The following ADARB1 variants were observed in gnomAD, a reference collection of about 807,000 sequenced individuals.
ADARB1 encodes the protein adenosine deaminase RNA specific B1, also known as double-stranded RNA-specific editase 1.
ADARB1 carries 10 observed loss-of-function variants against 52.4 expected under a neutral mutation model. The observed-to-expected ratio is 0.19, with a 90% CI of 0.12 to 0.32. ADARB1 has a LOEUF of 0.32. ADARB1 is among the 10% of genes least tolerant of loss of function. ADARB1 has a pLI of 1.00. For missense variants in ADARB1, 643 were observed against 922.3 expected (o/e 0.70, Z 3.92); for synonymous variants, 349 against 371.1 (o/e 0.94, Z 0.68).
At chr21:45,215,774 G>A (rs565292723) in intron 9 of ADARB1, among the ~76,000 whole-genome samples, 2 of 152,196 alleles carry the variant, frequency 1.3e-5, no homozygotes, top group East Asian at 1.9e-4. Flanking sequence ...TAGAATTTTT[G>A]TATTTATATT....
chr21:45,124,785 GTA>G (rs767865699), intron 1 of ADARB1, among the ~76,000 whole-genome samples: 19,604 of 103,154 alleles, frequency 0.19, 1,523 homozygotes, highest in Non-Finnish European at 0.26. Flanking sequence ...GTGTGTGTGT[GTA>G]TGTGTGTGTG....
intron 1 of ADARB1, among the ~76,000 whole-genome samples, chr21:45,115,123 C>G (rs1032567383): frequency 6.6e-6 from 1 of 152,234 alleles, no homozygotes. Flanking sequence ...GACCAAACTT[C>G]CAGTGACAAA....
In ADARB1 at chr21:45,175,774, G is replaced by A. The variant is rs763812559; in HGVS notation, c.73G>A (p.Val25Met). 5.0e-6 allele frequency: 8 copies of A among 1,614,034 alleles called. No individual in the cohort carries two copies. The highest frequency in any genetic ancestry group is 4.5e-5 in the East Asian group (2 of 44,900). The change falls in exon 4 of 11, where the codon GTG becomes ATG. Residue 25 changes from valine to methionine, a missense_variant. Physicochemically the swap from Val to Met is conservative, Grantham distance 21. Coordinates refer to ENST00000348831, the MANE Select transcript of ADARB1 (RefSeq NM_001112.4). The stretch of plus-strand genomic sequence containing the variant: ...GAAGGAAAACCGCAATCTGGACAAC[G>A]TGTCCCCCAAGGATGGCAGCACACC... ...DVKENRNLDN[V>M]SPKDGSTPGP...
At chr21:45,194,717 A>G (rs529086425) in intron 8 of ADARB1, among the ~76,000 whole-genome samples, 2 of 152,346 alleles carry the variant, frequency 1.3e-5, no homozygotes, top group African/African-American at 4.8e-5. Context: ...TTTTACACAT[A>G]GTAATTTACA....
Position 45,139,933 on chromosome 21 carries a change from CTTTTTTTTTTTTTT to C in ADARB1, c.-48+11374_-48+11387del, listed in dbSNP as rs200847132. The stretch of plus-strand genomic sequence containing the variant: ...GGTAAAATGTACAGACAATAAAACT[CTTTTTTTTTTTTTT>C]TTTTTTTTTTTTTGACACAGAGTTT... On this transcript the variant is annotated intron_variant, in intron 2 of 10. Coordinates refer to ENST00000348831, the MANE Select transcript of ADARB1 (RefSeq NM_001112.4). Among the ~76,000 whole-genome samples, 216 of 84,984 alleles carry C rather than the reference CTTTTTTTTTTTTTT, an allele frequency of 2.5e-3. 1 individual carries two copies. Among genetic ancestry groups the C allele is most frequent in the African/African-American group, 8.8e-3 (193 of 21,808 alleles). The allele number at this position is 84,984 out of a possible 152,430, so 55.8% of individuals were successfully genotyped here. A position where few individuals can be genotyped will look rare whatever the true frequency, so the allele number is the denominator to read the frequency against.
chr21:45,159,579 G>A (rs2090853827), intron 2 of ADARB1, among the ~76,000 whole-genome samples: 1 of 152,208 alleles, frequency 6.6e-6, no homozygotes, highest in African/African-American at 2.4e-5. Context: ...GCTCAGTAAT[G>A]CCTTACTTCT....
intron 1 of ADARB1, among the ~76,000 whole-genome samples, chr21:45,104,489 G>A (rs562501869): frequency 2.0e-5 from 3 of 152,274 alleles, no homozygotes; most frequent in South Asian, 2.1e-4. Flanking sequence ...TGGACAGGCC[G>A]TGCTGCAGCT....
intron 1 of ADARB1, among the ~76,000 whole-genome samples, chr21:45,103,839 T>G (rs960205214): frequency 1.6e-4 from 24 of 152,350 alleles, no homozygotes; most frequent in Admixed American, 1.1e-3. Context: ...TAAGTGTTTT[T>G]TCAAAAACAC....
rs1368432051 is a variant in ADARB1 at position 45,157,626 on chromosome 21, T to C, written c.-47-13984T>C. Among the ~76,000 whole-genome samples, 1 of 152,186 alleles carries C rather than the reference T, an allele frequency of 6.6e-6. No individual in the cohort carries two copies. The highest frequency in any genetic ancestry group is 2.4e-5 in the African/African-American group (1 of 41,432). On this transcript the variant is annotated intron_variant, in intron 2 of 10. Transcript: ENST00000348831. This position sits in a 1 kb window ranked among gnomAD's most constrained non-coding sequence, Gnocchi z 4.1. ...TTGCCATTGCTTAGGCATGCCTGACTGAGGCGGGAAACAAGCGTGTGGATC... is the reference window on the plus strand; with the variant it reads ...TTGCCATTGCTTAGGCATGCCTGACCGAGGCGGGAAACAAGCGTGTGGATC...
At chr21:45,202,564 G>C (rs986099922) in intron 8 of ADARB1, among the ~76,000 whole-genome samples, 3 of 152,132 alleles carry the variant, frequency 2.0e-5, no homozygotes, top group African/African-American at 7.2e-5. Context: ...GGGATATATG[G>C]AGGCTGGTTC....
At position 45,176,323 on chromosome 21, in the gene ADARB1, T is replaced by C; in HGVS notation, c.622T>C (p.Leu208=). 6.2e-7 allele frequency: 1 copy of C among 1,614,078 alleles called. No individual in the cohort carries two copies. The highest frequency in any genetic ancestry group is 1.7e-5 in the Admixed American group (1 of 60,026). The change falls in exon 4 of 11, where the codon TTG becomes CTG. Residue 208 remains leucine (L), a synonymous_variant. Coordinates refer to ENST00000348831, the MANE Select transcript of ADARB1 (RefSeq NM_001112.4). The surrounding 1 kb of genome is among the most constrained non-coding windows in gnomAD (Gnocchi z 5.8). ...CTTCAGTTCCAGCGGGGACCTCAGC[T>C]TGTCTGCTTCCCCGGTGCCTGCCAG... ...DSFSSSGDLS[L]SASPVPASLA...
At chr21:45,170,828 T>A (rs151068725) in intron 2 of ADARB1, among the ~76,000 whole-genome samples, 185 of 152,336 alleles carry the variant, frequency 1.2e-3, no homozygotes, top group African/African-American at 4.4e-3. Flanking sequence ...AACTAAAATA[T>A]TTAAGAAGAG....
At chr21:45,123,310 T>G (rs1249402313) in intron 1 of ADARB1, among the ~76,000 whole-genome samples, 1 of 151,142 alleles carries the variant, frequency 6.6e-6, no homozygotes, top group African/African-American at 2.4e-5. Context: ...TAATTATAAT[T>G]ATTATTATTT....
chr21:45,085,193 C>T (rs1440144277), intron 1 of ADARB1, among the ~76,000 whole-genome samples: 3 of 152,162 alleles, frequency 2.0e-5, no homozygotes, highest in African/African-American at 7.2e-5. Context: ...GGTGAGGTTT[C>T]GTGTTGGTTC....
At chr21:45,075,679 C>T (rs2085903167) in intron 1 of ADARB1, among the ~76,000 whole-genome samples, 1 of 152,182 alleles carries the variant, frequency 6.6e-6, no homozygotes, top group South Asian at 2.1e-4. Context: ...GACGCTGAAA[C>T]GTGTTGGAGT....
At position 45,225,083 on chromosome 21, in the gene ADARB1, GTTT is replaced by G; in HGVS notation, c.*2888_*2890del. ...GAGAGGGCTTCTGTTGTTTTGTTTT[GTTT>G]TGTTTTGTTAACTAAACCTGAAGTA... On this transcript the variant is annotated 3_prime_UTR_variant, in exon 11 of 11. Transcript: ENST00000348831. 7 of 988,740 alleles carry G rather than the reference GTTT, an allele frequency of 7.1e-6. No homozygotes were observed. Among genetic ancestry groups the G allele is most frequent in the Non-Finnish European group, 8.4e-6 (7 of 832,500 alleles). 61.2% of individuals were successfully genotyped at this position (988,740 alleles called of 1,614,324 possible).
intron 2 of ADARB1, among the ~76,000 whole-genome samples, chr21:45,136,635 C>T (rs2089393564): frequency 6.6e-6 from 1 of 152,254 alleles, no homozygotes; most frequent in African/African-American, 2.4e-5. Flanking sequence ...GTGGGGACAG[C>T]TGGCGGGGGT....
chr21:45,077,954 T>A (rs185329220), intron 1 of ADARB1, among the ~76,000 whole-genome samples: 2 of 152,266 alleles, frequency 1.3e-5, no homozygotes, highest in Admixed American at 6.5e-5. Context: ...CCCACAGAGG[T>A]CTTCGTGGCA....
intron 8 of ADARB1, among the ~76,000 whole-genome samples, chr21:45,198,282 A>G (rs1036522785): frequency 6.6e-6 from 1 of 152,192 alleles, no homozygotes; most frequent in Non-Finnish European, 1.5e-5. Flanking sequence ...CTGATCAAGA[A>G]GACAGAAGGC....
Sources: allele counts gnomAD v4.1 joint callset (sites outside exome capture counted in the v4.1 genomes callset), GRCh38; gene constraint gnomAD v4.1.1; non-coding constraint Gnocchi (gnomAD v3.1); transcripts MANE v1.5; gene names NCBI Gene and HGNC (gene_info 2026-07-23, HGNC 2026-07-21).